EYS: variants seen among roughly 807,000 people sequenced by gnomAD.
EYS encodes EGF-like photoreceptor maintenance factor.
In EYS, 250 loss-of-function variants were observed where a neutral mutation model predicts 282.1. That is an observed-to-expected ratio of 0.89 (90% CI 0.80 to 0.98). The LOEUF is 0.98. EYS is among the 50% of genes least tolerant of loss of function. EYS has a pLI of 0.00. For missense variants in EYS, 4,016 were observed against 3,709.0 expected, an observed-to-expected ratio of 1.08 and a Z score of -2.15; for synonymous variants, 1,355 against 1,282.9, an observed-to-expected ratio of 1.06 and a Z score of -1.20.
chr6:63,922,038 C>G (rs1394715390), intron 35 of EYS, among the ~76,000 whole-genome samples: 5 of 152,120 alleles, frequency 3.3e-5, no homozygotes, highest in Admixed American at 6.5e-5. Context: ...ACACACACAG[C>G]CTTCGAGGAA....
chr6:64,783,339 A>G (rs1174641714), intron 22 of EYS, among the ~76,000 whole-genome samples: 3 of 151,162 alleles, frequency 2.0e-5, no homozygotes, highest in Non-Finnish European at 4.4e-5. Flanking sequence ...CTATATACAT[A>G]TATCCTATAT....
At chr6:64,801,676 CT>C (rs1554204647) in intron 22 of EYS, among the ~76,000 whole-genome samples, 1 of 151,744 alleles carries the variant, frequency 6.6e-6, no homozygotes, top group Non-Finnish European at 1.5e-5. Context: ...AATGAAAAGG[CT>C]AATAGATGTG....
intron 35 of EYS, among the ~76,000 whole-genome samples, chr6:63,971,677 G>A (rs1766583410): frequency 6.6e-6 from 1 of 152,166 alleles, no homozygotes; most frequent in Non-Finnish European, 1.5e-5. Context: ...GAGAATTTGT[G>A]AGAGAGAAAA....
chr6:64,559,534 G>A (rs912428479), intron 26 of EYS, among the ~76,000 whole-genome samples: 2 of 151,824 alleles, frequency 1.3e-5, no homozygotes, highest in African/African-American at 2.4e-5. Context: ...TTTTTGTGGC[G>A]ATTGTTGATA....
chr6:64,661,435 T>C (rs1489696950), intron 22 of EYS, among the ~76,000 whole-genome samples: 1 of 152,038 alleles, frequency 6.6e-6, no homozygotes, highest in Non-Finnish European at 1.5e-5. Context: ...GAAACTACCA[T>C]CAGAGTGAAC....
At chr6:63,829,007 T>C (rs999947065) in intron 36 of EYS, among the ~76,000 whole-genome samples, 4 of 152,216 alleles carry the variant, frequency 2.6e-5, no homozygotes, top group Non-Finnish European at 4.4e-5. Flanking sequence ...GAAGTCATTA[T>C]TCAAAAAAGA....
intron 12 of EYS, among the ~76,000 whole-genome samples, chr6:65,167,747 T>C (rs1218101669): frequency 6.6e-6 from 1 of 151,382 alleles, no homozygotes; most frequent in Non-Finnish European, 1.5e-5. Flanking sequence ...ACTGTGTCTT[T>C]TGGGATTCCA....
At chr6:63,958,129 T>C (rs976541696) in intron 35 of EYS, among the ~76,000 whole-genome samples, 3 of 140,618 alleles carry the variant, frequency 2.1e-5, no homozygotes, top group African/African-American at 7.3e-5. Flanking sequence ...GTCAAATCTG[T>C]GGTCACAATC....
chr6:64,313,507 C>T lies in EYS; in HGVS notation c.6079-6425G>A, dbSNP rs148055105. Among the ~76,000 whole-genome samples the T allele has an allele frequency of 2.5e-3, 387 of 152,176 alleles. 3 individuals are homozygous for T. Among genetic ancestry groups the T allele is most frequent in the African/African-American group, 8.7e-3 (362 of 41,530 alleles). ...TCCCCAACCTAACAAGGCGGATCAA[C>T]ATTCAAATTCAGGAAAAACAGAGAA... On this transcript the variant is annotated intron_variant, in intron 29 of 42. Transcript: ENST00000503581.
At chr6:64,289,654 G>C (rs1562289307) in intron 30 of EYS, among the ~76,000 whole-genome samples, 1 of 152,008 alleles carries the variant, frequency 6.6e-6, no homozygotes, top group Admixed American at 6.6e-5. Context: ...TGCTTTACGA[G>C]GAGCAGAGTG....
intron 41 of EYS, among the ~76,000 whole-genome samples, chr6:63,750,495 A>G (rs1408047326): frequency 6.6e-6 from 1 of 152,152 alleles, no homozygotes; most frequent in Non-Finnish European, 1.5e-5. Flanking sequence ...TGCATTTCTA[A>G]TATTCCACTC....
At chr6:64,395,334 T>C (rs1260854508) in intron 28 of EYS, among the ~76,000 whole-genome samples, 1 of 152,124 alleles carries the variant, frequency 6.6e-6, no homozygotes, top group Non-Finnish European at 1.5e-5. Flanking sequence ...CATGCACACG[T>C]ATGTTTATTG....
chr6:64,141,178 T>C (rs184184106), intron 31 of EYS, among the ~76,000 whole-genome samples: 2 of 152,344 alleles, frequency 1.3e-5, no homozygotes, highest in African/African-American at 4.8e-5. Context: ...CACAATACTT[T>C]ATTCCTTGGC....
intron 13 of EYS, among the ~76,000 whole-genome samples, chr6:65,006,161 G>A (rs546590482): frequency 6.6e-6 from 1 of 151,900 alleles, no homozygotes; most frequent in Non-Finnish European, 1.5e-5. Context: ...CCCACCACCT[G>A]TGCCAGGGCC....
At position 65,002,381 on chromosome 6, in the gene EYS, C is replaced by T. The variant is rs1299761459; in HGVS notation, c.2138-4678G>A. Among the ~76,000 whole-genome samples, 8 of 143,344 alleles carry T rather than the reference C, an allele frequency of 5.6e-5. 1 individual carries two copies. Among genetic ancestry groups the T allele is most frequent in the Non-Finnish European group, 1.1e-4 (7 of 63,674 alleles). 94.0% of individuals were successfully genotyped at this position (143,344 alleles called of 152,430 possible). The stretch of plus-strand genomic sequence containing the variant: ...TATATCAAGAGCAGCAAAAATATGG[C>T]ATATAGTCCACAGAACTGTTTTGCT... On this transcript the variant is annotated intron_variant, in intron 13 of 42. Coordinates refer to ENST00000503581, the MANE Select transcript of EYS (RefSeq NM_001142800.2).
rs1766658161 is a variant in EYS, at chr6:65,506,456, CTTTCTTTTTTTTTTTTTTTT to C, written c.-332-10483_-332-10464del. 2.2e-5 allele frequency among the ~76,000 whole-genome samples: 2 copies of C among 89,488 alleles called. 1 individual carries two copies. Among genetic ancestry groups the C allele is most frequent in the Non-Finnish European group, 4.8e-5 (2 of 41,266 alleles). 58.7% of individuals were successfully genotyped at this position (89,488 alleles called of 152,430 possible). A position where few individuals can be genotyped will look rare whatever the true frequency, so the allele number is the denominator to read the frequency against. On this transcript the variant is annotated intron_variant, in intron 2 of 42. Coordinates refer to ENST00000503581, the MANE Select transcript of EYS (RefSeq NM_001142800.2). ...CTGAGGTTTACAATATCCTTCCTTCCTTTCTTTTTTTTTTTTTTTTTTTTTTTTTTTTTTTTTTTTTTTTG... is the reference window on the plus strand; with the variant it reads ...CTGAGGTTTACAATATCCTTCCTTCCTTTTTTTTTTTTTTTTTTTTTTTTG...
intron 16 of EYS, among the ~76,000 whole-genome samples, chr6:64,903,638 A>C (rs1767734498): frequency 6.6e-6 from 1 of 152,142 alleles, no homozygotes; most frequent in Non-Finnish European, 1.5e-5. Flanking sequence ...CTTGGTCTCT[A>C]TGTCTATATT....
At chr6:64,592,249 A>G (rs892945914) in intron 25 of EYS, among the ~76,000 whole-genome samples, 3 of 152,186 alleles carry the variant, frequency 2.0e-5, no homozygotes, top group Non-Finnish European at 4.4e-5. Context: ...CATAGAATTG[A>G]CATATTCCCA....
chr6:64,160,593 G>A (rs1775073977), intron 31 of EYS, among the ~76,000 whole-genome samples: 1 of 152,024 alleles, frequency 6.6e-6, no homozygotes, highest in Non-Finnish European at 1.5e-5. Context: ...TTGAATTTGG[G>A]GCCCTCTGCT....
Sources: allele counts gnomAD v4.1 joint callset (sites outside exome capture counted in the v4.1 genomes callset), GRCh38; gene constraint gnomAD v4.1.1; transcripts MANE v1.5; gene names NCBI Gene and HGNC (gene_info 2026-07-23, HGNC 2026-07-21).